Variants in LTBP1 observed in about 807,000 individuals in gnomAD.
The protein encoded by LTBP1 is latent-transforming growth factor beta-binding protein 1.
LTBP1 carries 129 observed loss-of-function variants against 207.6 expected under a neutral mutation model. The ratio of observed to expected loss-of-function variants is 0.62; its 90% CI spans 0.54 to 0.72. LTBP1 has a LOEUF of 0.72. Ranked by LOEUF, LTBP1 falls within the 30% of genes least tolerant of loss-of-function variation. The probability of loss-of-function intolerance (pLI) is 0.00; values close to 1 mark genes in which losing one functional copy is unlikely to be tolerated. For missense variants in LTBP1, 2,281 were observed against 2,217.2 expected, an observed-to-expected ratio of 1.03 and a Z score of -0.58; for synonymous variants, 963 against 833.7, an observed-to-expected ratio of 1.16 and a Z score of -2.67.
chr2:32,950,869 G>A (rs1415988389), intron 2 of LTBP1, among the ~76,000 whole-genome samples: 2 of 152,194 alleles, frequency 1.3e-5, no homozygotes, highest in African/African-American at 4.8e-5. Context: ...CCATTTTCAG[G>A]TTGCTTGGGG....
chr2:32,989,616 G>A (rs765178873), intron 2 of LTBP1, among the ~76,000 whole-genome samples: 11 of 152,192 alleles, frequency 7.2e-5, no homozygotes, highest in Non-Finnish European at 1.5e-4. Flanking sequence ...TCATAGAGGT[G>A]TCTGGGGAAC....
At chr2:33,180,652 T>C (rs2086530740) in intron 5 of LTBP1, among the ~76,000 whole-genome samples, 1 of 151,984 alleles carries the variant, frequency 6.6e-6, no homozygotes, top group African/African-American at 2.4e-5. Context: ...GACGGGGGTA[T>C]GCCTTGTTGA....
rs966819447 is a variant in LTBP1, at chr2:33,134,500, A to C, written c.1034-293A>C. On this transcript the variant is annotated intron_variant, in intron 4 of 33. Coordinates refer to ENST00000404816, the MANE Select transcript of LTBP1 (RefSeq NM_206943.4). This position sits in a 1 kb window ranked among gnomAD's most constrained non-coding sequence, Gnocchi z 4.4. Reference sequence around the variant, plus strand: ...TGTCTGCCCGTGAATAAAGTGCAGCATTGTGGTTAGTAATCCCACTCCAGT... The same window carrying C: ...TGTCTGCCCGTGAATAAAGTGCAGCCTTGTGGTTAGTAATCCCACTCCAGT... The C allele has an allele frequency of 7.4e-7, 1 of 1,353,064 alleles. No individual in the cohort carries two copies. Among genetic ancestry groups the C allele is most frequent in the Non-Finnish European group, 1.0e-6 (1 of 990,596 alleles). 83.8% of individuals were successfully genotyped at this position (1,353,064 alleles called of 1,614,324 possible).
At chr2:33,181,413 T>C (rs964663546) in intron 5 of LTBP1, among the ~76,000 whole-genome samples, 1 of 152,216 alleles carries the variant, frequency 6.6e-6, no homozygotes, top group Non-Finnish European at 1.5e-5. Context: ...AAGTGAATGG[T>C]GGAATACAAC....
intron 2 of LTBP1, among the ~76,000 whole-genome samples, chr2:32,963,470 C>T (rs138719094): frequency 0.014 from 2,079 of 152,150 alleles, 44 homozygotes; most frequent in African/African-American, 0.047. Context: ...CTTGGCCTCC[C>T]AAAGTGCTGG....
At chr2:33,287,313 T>A (rs1449486099) in intron 19 of LTBP1, among the ~76,000 whole-genome samples, 1 of 152,230 alleles carries the variant, frequency 6.6e-6, no homozygotes, top group Non-Finnish European at 1.5e-5. Flanking sequence ...AGGTAATAAA[T>A]GTCAGAACTA....
intron 31 of LTBP1, among the ~76,000 whole-genome samples, chr2:33,367,488 C>T (rs995025153): frequency 6.6e-6 from 1 of 152,126 alleles, no homozygotes; most frequent in African/African-American, 2.4e-5. Context: ...AATTTTTCAA[C>T]CCTTACCCCA....
intron 31 of LTBP1, among the ~76,000 whole-genome samples, chr2:33,378,172 CATATAT>C (rs541050492): frequency 6.9e-6 from 1 of 143,930 alleles, no homozygotes; most frequent in Non-Finnish European, 1.5e-5. Context: ...ATTTTACTTT[CATATAT>C]ATATATATGT....
At chr2:33,022,534 A>G (rs2075226901) in intron 3 of LTBP1, among the ~76,000 whole-genome samples, 1 of 152,178 alleles carries the variant, frequency 6.6e-6, no homozygotes, top group African/African-American at 2.4e-5. Flanking sequence ...TAAGGAAGGT[A>G]ACATTATTAA....
At chr2:33,372,325 A>G (rs2095079043) in intron 31 of LTBP1, among the ~76,000 whole-genome samples, 1 of 152,196 alleles carries the variant, frequency 6.6e-6, no homozygotes, top group Non-Finnish European at 1.5e-5. Flanking sequence ...TAAAGCTGAG[A>G]TTTTAAAATT....
intron 7 of LTBP1, among the ~76,000 whole-genome samples, chr2:33,207,826 C>T (rs1429289278): frequency 6.6e-6 from 1 of 152,128 alleles, no homozygotes; most frequent in East Asian, 1.9e-4. Context: ...ATGAGATTTT[C>T]TAGTTTAATT....
intron 9 of LTBP1, among the ~76,000 whole-genome samples, chr2:33,243,303 A>G (rs948067262): frequency 6.6e-6 from 1 of 152,228 alleles, no homozygotes; most frequent in African/African-American, 2.4e-5. Flanking sequence ...ATTCATATGT[A>G]TAGTTAGACT....
chr2:33,201,332 AG>A (rs1454798635), intron 7 of LTBP1, among the ~76,000 whole-genome samples: 4 of 152,210 alleles, frequency 2.6e-5, no homozygotes, highest in African/African-American at 4.8e-5. Flanking sequence ...TTGTAGGGAC[AG>A]GGATGAAATT....
intron 3 of LTBP1, among the ~76,000 whole-genome samples, chr2:33,048,754 G>A (rs947552425): frequency 3.3e-5 from 5 of 152,122 alleles, no homozygotes; most frequent in African/African-American, 9.7e-5. Context: ...ACCTGATTAG[G>A]TAGACTTACA....
intron 8 of LTBP1, among the ~76,000 whole-genome samples, chr2:33,220,610 G>A (rs1307669568): frequency 1.3e-5 from 2 of 152,178 alleles, no homozygotes; most frequent in African/African-American, 4.8e-5. Context: ...AGATTGCCTG[G>A]TCTGGCTCTC....
chr2:33,369,529 G>GTA (rs1031856518), intron 31 of LTBP1, among the ~76,000 whole-genome samples: 13 of 151,706 alleles, frequency 8.6e-5, no homozygotes, highest in African/African-American at 3.2e-4. Flanking sequence ...ATCTGTTGGA[G>GTA]TATATAGGAA....
chr2:33,374,722 G>A (rs2095115284), intron 31 of LTBP1, among the ~76,000 whole-genome samples: 1 of 152,172 alleles, frequency 6.6e-6, no homozygotes, highest in African/African-American at 2.4e-5. Flanking sequence ...GGGAGGCCAA[G>A]GTGGGCAGAT....
chr2:33,298,671 A>G (rs1353706531), intron 20 of LTBP1, among the ~76,000 whole-genome samples: 1 of 152,254 alleles, frequency 6.6e-6, no homozygotes, highest in Non-Finnish European at 1.5e-5. Flanking sequence ...AATCTTTAAA[A>G]TGAAAGTTAC....
intron 7 of LTBP1, among the ~76,000 whole-genome samples, chr2:33,206,296 G>C (rs1412819409): frequency 2.0e-5 from 3 of 152,172 alleles, no homozygotes; most frequent in Non-Finnish European, 4.4e-5. Flanking sequence ...ACTTGGAAGA[G>C]ACACAGAAAA....
Sources: allele counts gnomAD v4.1 joint callset (sites outside exome capture counted in the v4.1 genomes callset), GRCh38; gene constraint gnomAD v4.1.1; non-coding constraint Gnocchi (gnomAD v3.1); transcripts MANE v1.5; gene names NCBI Gene and HGNC (gene_info 2026-07-23, HGNC 2026-07-21).